The following RARB variants were observed in gnomAD, a reference collection of about 807,000 sequenced individuals.
RARB encodes the protein retinoic acid receptor beta, also known as HBV-activated protein.
Under a neutral mutation model 51.9 loss-of-function variants are expected in RARB, and 17 were observed. The ratio of observed to expected loss-of-function variants is 0.33; its 90% confidence interval spans 0.22 to 0.49. The LOEUF is 0.49. RARB is among the 20% of genes least tolerant of loss of function. The probability of loss-of-function intolerance (pLI) is 0.99; values close to 1 mark genes in which losing one functional copy is unlikely to be tolerated. For missense variants in RARB, 369 were observed against 550.8 expected (o/e 0.67, Z 3.30); for synonymous variants, 215 against 195.4 (o/e 1.10, Z -0.84).
chr3:24,948,307 C>A (rs1218049272), intron 2 of RARB, among the ~76,000 whole-genome samples: 1 of 152,190 alleles, frequency 6.6e-6, no homozygotes, highest in South Asian at 2.1e-4. Context: ...AAAAGAAATA[C>A]ACATATGACT....
intron 2 of RARB, among the ~76,000 whole-genome samples, chr3:25,035,679 T>G (rs560793306): frequency 3.6e-4 from 55 of 152,316 alleles, no homozygotes; most frequent in African/African-American, 1.3e-3. Flanking sequence ...GTAAATAATT[T>G]AGTTTCAGCT....
intron 2 of RARB, among the ~76,000 whole-genome samples, chr3:24,926,148 C>T (rs754878644): frequency 7.2e-5 from 11 of 151,910 alleles, no homozygotes; most frequent in African/African-American, 1.2e-4. Flanking sequence ...GATCCTAATG[C>T]GGAGTTTTGT....
At chr3:25,176,577 G>A (rs1700758994) in intron 5 of RARB, among the ~76,000 whole-genome samples, 1 of 151,028 alleles carries the variant, frequency 6.6e-6, no homozygotes, top group Non-Finnish European at 1.5e-5. Context: ...TGTATTTTTA[G>A]TAGAGACGTG....
intron 3 of RARB, among the ~76,000 whole-genome samples, chr3:25,529,436 C>G (rs1284613093): frequency 6.6e-6 from 1 of 152,154 alleles, no homozygotes; most frequent in Non-Finnish European, 1.5e-5. Flanking sequence ...ACAGAAGCAT[C>G]TGTCTCTGAC....
At chr3:24,958,518 C>T (rs752285102) in intron 2 of RARB, among the ~76,000 whole-genome samples, 7 of 152,198 alleles carry the variant, frequency 4.6e-5, no homozygotes, top group Middle Eastern at 3.4e-3. Flanking sequence ...GCCTGCTGCT[C>T]TCTTTAGGTT....
At position 25,316,344 on chromosome 3, in the gene RARB, C is replaced by G. The variant is rs139235725; in HGVS notation, c.178+141769C>G. Among the ~76,000 whole-genome samples, 14 of 151,716 alleles carry G rather than the reference C, an allele frequency of 9.2e-5. No individual in the cohort carries two copies. The East Asian group carries it at 2.5e-3, about 27-fold the overall frequency. On this transcript the variant is annotated intron_variant, in intron 5 of 11. Coordinates refer to the RARB transcript ENST00000383772. ...TTATGGGTGAGCACAAACCACAACC[C>G]TCTAAAACACAAGATAAAATAAATA...
chr3:25,184,600 T>C (rs1700933871), intron 5 of RARB, among the ~76,000 whole-genome samples: 2 of 152,146 alleles, frequency 1.3e-5, no homozygotes, highest in Non-Finnish European at 2.9e-5. Flanking sequence ...TCTGTGTTCT[T>C]GGACAGATTT....
intron 5 of RARB, among the ~76,000 whole-genome samples, chr3:25,402,680 T>C (rs1463661027): frequency 6.6e-6 from 1 of 152,188 alleles, no homozygotes; most frequent in Non-Finnish European, 1.5e-5. Context: ...AAGGACATTA[T>C]GTTAAGTGAA....
At chr3:25,321,154 G>T (rs899030798) in intron 5 of RARB, among the ~76,000 whole-genome samples, 2 of 152,044 alleles carry the variant, frequency 1.3e-5, no homozygotes, top group Non-Finnish European at 2.9e-5. Flanking sequence ...AAACCATCAG[G>T]GTTTTCCAGT....
rs75671211 is a variant in RARB, at chr3:24,897,181, G to T, written c.-380+38429G>T. 7.2e-3 allele frequency among the ~76,000 whole-genome samples: 1,102 copies of T among 152,270 alleles called. 14 individuals carry two copies. Among genetic ancestry groups the T allele is most frequent in the African/African-American group, 0.025 (1,051 of 41,542 alleles). On this transcript the variant is annotated intron_variant, in intron 2 of 11. Coordinates refer to the RARB transcript ENST00000383772. ...CAGGACATTGCCATTTTGGGTAGTT[G>T]GCTGTATCTATCATTTCATAATTTC...
chr3:25,191,350 C>G (rs982685581), intron 5 of RARB, among the ~76,000 whole-genome samples: 1 of 152,062 alleles, frequency 6.6e-6, no homozygotes, highest in African/African-American at 2.4e-5. Context: ...TTTTATATCT[C>G]TAATAAAGAA....
chr3:25,540,397 T>A (rs953722950), intron 3 of RARB, among the ~76,000 whole-genome samples: 2 of 152,230 alleles, frequency 1.3e-5, no homozygotes, highest in African/African-American at 4.8e-5. Context: ...CCTCGGGGTA[T>A]GGTTACCCAA....
At chr3:25,155,875 C>G (rs1333844646) in intron 4 of RARB, among the ~76,000 whole-genome samples, 2 of 152,154 alleles carry the variant, frequency 1.3e-5, no homozygotes, top group African/African-American at 4.8e-5. Flanking sequence ...GGTTCCCAGC[C>G]TTTTTACATG....
At chr3:25,556,111 G>A (rs916437644) in intron 3 of RARB, among the ~76,000 whole-genome samples, 1 of 152,046 alleles carries the variant, frequency 6.6e-6, no homozygotes, top group African/African-American at 2.4e-5. Flanking sequence ...TGCAGAGAAT[G>A]GTGGAGATGG....
At chr3:25,314,896 C>T (rs935261270) in intron 5 of RARB, among the ~76,000 whole-genome samples, 12 of 152,210 alleles carry the variant, frequency 7.9e-5, no homozygotes, top group South Asian at 4.2e-4. Context: ...ATCTTTATGT[C>T]GCTGAGTACT....
chr3:25,454,887 C>G (rs967776882), intron 1 of RARB, among the ~76,000 whole-genome samples: 2 of 152,152 alleles, frequency 1.3e-5, no homozygotes, highest in African/African-American at 2.4e-5. Flanking sequence ...TCGTAAGTGC[C>G]AAGTCCTCTT....
intron 5 of RARB, among the ~76,000 whole-genome samples, chr3:25,250,101 G>A (rs762871463): frequency 1.2e-4 from 19 of 152,162 alleles, no homozygotes; most frequent in Non-Finnish European, 2.5e-4. Flanking sequence ...TGGTGGCTGT[G>A]ACAGGATGAA....
intron 5 of RARB, among the ~76,000 whole-genome samples, chr3:25,398,671 CA>C (rs1707182291): frequency 6.6e-6 from 1 of 152,116 alleles, no homozygotes; most frequent in Non-Finnish European, 1.5e-5. Context: ...GATTGGCAAC[CA>C]GGTGGGTTCC....
At chr3:24,935,929 G>T (rs1163753641) in intron 2 of RARB, among the ~76,000 whole-genome samples, 1 of 152,010 alleles carries the variant, frequency 6.6e-6, no homozygotes, top group Non-Finnish European at 1.5e-5. Flanking sequence ...CAATAAATTG[G>T]CACAGAGTAG....
Sources: gnomAD v4.1 joint callset for allele counts (sites outside exome capture counted in the v4.1 genomes callset) on GRCh38, gnomAD v4.1.1 for gene constraint, MANE v1.5 for transcripts, NCBI Gene and HGNC (gene_info 2026-07-23, HGNC 2026-07-21) for gene names.